Variants in FAM186B observed in about 807,000 individuals in gnomAD.
The protein encoded by FAM186B is family with sequence similarity 186 member B.
FAM186B carries 68 observed loss-of-function variants against 83.4 expected under a neutral mutation model. That is an observed-to-expected ratio of 0.81 (90% CI 0.67 to 1.00). The LOEUF is 1.00. Ranked by LOEUF, FAM186B falls within the 50% of genes least tolerant of loss-of-function variation. The pLI, the probability that FAM186B is intolerant of heterozygous loss-of-function variation, is 0.00. For synonymous variants in FAM186B, 389 were observed against 422.0 expected (o/e 0.92, Z 0.96); for missense variants, 983 against 1,099.2 (o/e 0.89, Z 1.49).
the FAM186B span, among the ~76,000 whole-genome samples, chr12:49,616,378 T>G: frequency 6.6e-6 from 1 of 152,114 alleles, no homozygotes; most frequent in African/African-American, 2.4e-5. Context: ...GCAATCCCAC[T>G]CCTAAGTATT....
chr12:49,591,856 CTAATA>C (rs551355532), intron 5 of FAM186B, among the ~76,000 whole-genome samples: 1 of 151,816 alleles, frequency 6.6e-6, no homozygotes, highest in Admixed American at 6.6e-5. Flanking sequence ...CTTATAATAC[CTAATA>C]TAATATAAAC....
chr12:49,587,970 G>A (rs1480274055), intron 6 of FAM186B, among the ~76,000 whole-genome samples: 2 of 152,160 alleles, frequency 1.3e-5, no homozygotes, highest in East Asian at 3.9e-4. Flanking sequence ...TCCCAGGGCG[G>A]CCCCTGTCCT....
the FAM186B span, among the ~76,000 whole-genome samples, chr12:49,612,529 A>ATG: frequency 1.1e-3 from 173 of 151,192 alleles, no homozygotes; most frequent in Middle Eastern, 6.8e-3. Flanking sequence ...AGGTTTTTTT[A>ATG]TGTGTGTTTT....
downstream of FAM186B, chr12:49,583,172 A>G (rs1039767267): frequency 2.3e-6 from 1 of 430,960 alleles, no homozygotes; most frequent in Non-Finnish European, 4.7e-6. Context: ...GAATGTATGA[A>G]TAGTATGAAA....
At chr12:49,592,180 T>G (rs147191268) in intron 5 of FAM186B, among the ~76,000 whole-genome samples, 25 of 152,316 alleles carry the variant, frequency 1.6e-4, no homozygotes, top group Admixed American at 1.1e-3. Context: ...GTTAAAGATT[T>G]ATATTGTAAA....
rs1197107394 is a variant in FAM186B, at chr12:49,605,621, C to T, written c.-144G>A. 2.6e-6 allele frequency: 2 copies of T among 759,402 alleles called. No homozygotes were observed. Among genetic ancestry groups the T allele is most frequent in the Non-Finnish European group, 4.2e-6 (2 of 480,060 alleles). The allele number at this position is 759,402 out of a possible 1,614,324, so 47.0% of individuals were successfully genotyped here. ...CAGGCACAGCTCCTCTGGTAACTGCCAAACACCAGGTTCCAACTGATCCTC... is the reference window on the plus strand; with the variant it reads ...CAGGCACAGCTCCTCTGGTAACTGCTAAACACCAGGTTCCAACTGATCCTC... On this transcript the variant is annotated 5_prime_UTR_variant, in exon 1 of 7. Transcript: ENST00000257894.
At chr12:49,622,156 C>G in the FAM186B span, among the ~76,000 whole-genome samples, 1 of 152,232 alleles carries the variant, frequency 6.6e-6, no homozygotes, top group Non-Finnish European at 1.5e-5. Context: ...CGCGGCAGCC[C>G]CCGGGGGAAG....
downstream of FAM186B, chr12:49,584,426 G>C (rs2138227177): frequency 2.9e-6 from 2 of 691,496 alleles, no homozygotes. Flanking sequence ...TTTTGACCAA[G>C]TTCTCTGTGG....
chr12:49,595,543 T>A (rs1274290244), intron 5 of FAM186B: 4 of 453,288 alleles, frequency 8.8e-6, no homozygotes, highest in Non-Finnish European at 1.8e-5. Flanking sequence ...TTACACCTAC[T>A]CTGAGAATCG....
rs1320664893 is a variant in FAM186B at position 49,605,300 on chromosome 12, A to AATCTCACTCAAACCTGGG, written c.96+64_96+81dup. On this transcript the variant is annotated intron_variant, in intron 1 of 6. Coordinates refer to ENST00000257894, the MANE Select transcript of FAM186B (RefSeq NM_032130.3). ...AGGGCCTCTGAGGACCCAGAGCTGG[A>AATCTCACTCAAACCTGGG]ATCTCACTCAAACCTGGGATCAGCC... The AATCTCACTCAAACCTGGG allele has an allele frequency of 1.9e-6, 3 of 1,555,362 alleles. No individual in the cohort carries two copies. The African/African-American group carries it at 4.1e-5, about 21-fold the overall frequency.
chr12:49,585,120 A>G (rs1939413237), downstream of FAM186B, among the ~76,000 whole-genome samples: 1 of 151,768 alleles, frequency 6.6e-6, no homozygotes, highest in African/African-American at 2.4e-5. Context: ...CTGCGTTCAC[A>G]CCACTCTCCT....
chr12:49,592,827 A>C (rs992269502), intron 5 of FAM186B, among the ~76,000 whole-genome samples: 1 of 152,184 alleles, frequency 6.6e-6, no homozygotes, highest in Non-Finnish European at 1.5e-5. Flanking sequence ...GGTATGGCTA[A>C]TATGTAATAT....
chr12:49,583,015 G>T (rs1388935640), downstream of FAM186B: 3 of 455,978 alleles, frequency 6.6e-6, no homozygotes, highest in Non-Finnish European at 8.8e-6. Flanking sequence ...CTGCATGCTT[G>T]CCAGAGAGCT....
chr12:49,595,170 TG>T, intron 5 of FAM186B: 1 of 463,842 alleles, frequency 2.2e-6, no homozygotes, highest in Non-Finnish European at 4.1e-6. Context: ...GCAGAGGAAA[TG>T]GAGACGGTCA....
At chr12:49,588,150 C>A (rs1010747823) in intron 6 of FAM186B, among the ~76,000 whole-genome samples, 1 of 152,188 alleles carries the variant, frequency 6.6e-6, no homozygotes, top group Non-Finnish European at 1.5e-5. Context: ...GATGCCAAAT[C>A]GATGCTCAGG....
rs780983455 is a variant in FAM186B at position 49,600,205 on chromosome 12, G to A, written c.1435C>T (p.Pro479Ser). 1 of 1,612,382 alleles carries A rather than the reference G, an allele frequency of 6.2e-7. No individual in the cohort carries two copies. Among genetic ancestry groups the A allele is most frequent in the South Asian group, 1.1e-5 (1 of 90,894 alleles). Residue 479 changes from proline (P) to serine (S), a missense_variant, in exon 4 of 7, where the codon CCC becomes TCC. Coordinates refer to ENST00000257894, the MANE Select transcript of FAM186B (RefSeq NM_032130.3). This position sits in a 1 kb window ranked among gnomAD's most constrained non-coding sequence, Gnocchi z 4.3. ...TCCCGGCCGAATTCCTCCTCCCAGGGCTCCTCTTGGCTCTCAGAGGTCACC... is the reference window on the plus strand; with the variant it reads ...TCCCGGCCGAATTCCTCCTCCCAGGACTCCTCTTGGCTCTCAGAGGTCACC... ...RQVTSESQEE[P>S]WEEEFGREMR...
chr12:49,585,681 T>C (rs1939426648), downstream of FAM186B, among the ~76,000 whole-genome samples: 2 of 152,156 alleles, frequency 1.3e-5, no homozygotes. Flanking sequence ...GGCCTAGTTA[T>C]GAACCCAGAT....
rs759124298 is a variant in FAM186B at position 49,603,255 on chromosome 12, G to C, written c.435C>G (p.Thr145=). Reference sequence around the variant, plus strand: ...CAGTGAGTGACTCGATGCCTCTTTTGGTGGCAATGAGGGACAGCGGTAACA... The same window carrying C: ...CAGTGAGTGACTCGATGCCTCTTTTCGTGGCAATGAGGGACAGCGGTAACA... The part of the protein sequence containing the change: ...EKVLPLSLIA[T]KRGIESLTAL... Residue 145 remains threonine, a synonymous_variant, in exon 3 of 7, where the codon ACC becomes ACG. Transcript: ENST00000257894. 3.1e-6 allele frequency: 5 copies of C among 1,614,192 alleles called. No homozygotes were observed. In the South Asian group the frequency reaches 5.5e-5, roughly 18 times the overall value.
chr12:49,586,786 G>T (rs896289256), downstream of FAM186B, among the ~76,000 whole-genome samples: 3 of 152,250 alleles, frequency 2.0e-5, no homozygotes, highest in Admixed American at 6.5e-5. Context: ...AGGACTCTCA[G>T]CTGGAATGCT....
Sources: gnomAD v4.1 joint callset for allele counts (sites outside exome capture counted in the v4.1 genomes callset) on GRCh38, gnomAD v4.1.1 for gene constraint, Gnocchi (gnomAD v3.1) non-coding constraint, MANE v1.5 for transcripts, NCBI Gene and HGNC (gene_info 2026-07-23, HGNC 2026-07-21) for gene names.